Variants in GALNT17 observed in about 807,000 individuals in gnomAD.
The protein encoded by GALNT17 is UDP-GalNAc:polypeptide N-acetylgalactosaminyltransferase-like 3.
GALNT17 carries 29 observed loss-of-function variants against 63.7 expected under a neutral mutation model. The ratio of observed to expected loss-of-function variants is 0.46; its 90% CI spans 0.34 to 0.62. The LOEUF (loss-of-function observed/expected upper bound fraction) is 0.62. Ranked by LOEUF, GALNT17 falls within the 20% of genes least tolerant of loss-of-function variation. GALNT17 has a pLI of 0.01. For synonymous variants in GALNT17, 305 were observed against 318.3 expected (o/e 0.96, Z 0.45); for missense variants, 603 against 799.6 (o/e 0.75, Z 2.97).
chr7:71,578,643 T>C (rs1789578525), intron 6 of GALNT17, among the ~76,000 whole-genome samples: 2 of 152,274 alleles, frequency 1.3e-5, no homozygotes, highest in South Asian at 4.1e-4. Context: ...TGCCTGGCCT[T>C]ATATAGAAAT....
chr7:71,261,332 T>A (rs1790381915), intron 1 of GALNT17, among the ~76,000 whole-genome samples: 1 of 152,070 alleles, frequency 6.6e-6, no homozygotes, highest in Non-Finnish European at 1.5e-5. Flanking sequence ...CTTGAGGAAG[T>A]TATTTGACTG....
At chr7:71,233,019 A>G (rs1220515640) in intron 1 of GALNT17, among the ~76,000 whole-genome samples, 2 of 152,162 alleles carry the variant, frequency 1.3e-5, no homozygotes, top group Non-Finnish European at 2.9e-5. Flanking sequence ...AACCCTGTGA[A>G]GTAGGTTCTA....
At chr7:71,515,914 A>G (rs921898049) in intron 5 of GALNT17, among the ~76,000 whole-genome samples, 39 of 152,202 alleles carry the variant, frequency 2.6e-4, no homozygotes, top group South Asian at 4.2e-4. Context: ...AAGAAAGGGA[A>G]GGTAGGTAGT....
At chr7:71,592,256 T>C (rs1789813427) in intron 6 of GALNT17, among the ~76,000 whole-genome samples, 1 of 152,090 alleles carries the variant, frequency 6.6e-6, no homozygotes, top group Non-Finnish European at 1.5e-5. Flanking sequence ...AGAGACTGGG[T>C]CCAGAGGAGC....
chr7:71,148,860 TTATATATATATATATATATATA>T lies in GALNT17; in HGVS notation c.238+15832_238+15853del, dbSNP rs59163644. Among the ~76,000 whole-genome samples the T allele has an allele frequency of 6.8e-5, 7 of 103,260 alleles. No homozygotes were observed. In the East Asian group the frequency reaches 2.0e-3, roughly 29 times the overall value. 67.7% of individuals were successfully genotyped at this position (103,260 alleles called of 152,430 possible). On this transcript the variant is annotated intron_variant, in intron 1 of 10. Coordinates refer to ENST00000333538, the MANE Select transcript of GALNT17 (RefSeq NM_022479.3). ...GAAATACAGTAGTATTATGGTATTTTTATATATATATATATATATATATATATATATATGTATACCATAGTTA... is the reference window on the plus strand; with the variant it reads ...GAAATACAGTAGTATTATGGTATTTTTATATATATATGTATACCATAGTTA...
At chr7:71,415,175 C>T (rs185353057) in intron 3 of GALNT17, among the ~76,000 whole-genome samples, 1 of 152,070 alleles carries the variant, frequency 6.6e-6, no homozygotes, top group Admixed American at 6.6e-5. Context: ...AGCCAAGTAT[C>T]AGTCTTTATG....
intron 6 of GALNT17, among the ~76,000 whole-genome samples, chr7:71,638,704 C>CAA: frequency 6.6e-6 from 1 of 152,228 alleles, no homozygotes; most frequent in African/African-American, 2.4e-5. Flanking sequence ...TTTTGGTATT[C>CAA]TGGTTTTAGC....
At chr7:71,453,367 G>T (rs1787300094) in intron 5 of GALNT17, among the ~76,000 whole-genome samples, 2 of 152,150 alleles carry the variant, frequency 1.3e-5, no homozygotes, top group Admixed American at 1.3e-4. Flanking sequence ...GGTTTAATGG[G>T]CTCACAGTTG....
intron 6 of GALNT17, among the ~76,000 whole-genome samples, chr7:71,599,799 C>T (rs552704979): frequency 2.0e-5 from 3 of 152,056 alleles, no homozygotes; most frequent in Non-Finnish European, 4.4e-5. Context: ...TGCAATTGTG[C>T]AGTCATAATT....
intron 2 of GALNT17, among the ~76,000 whole-genome samples, chr7:71,359,144 T>A (rs1792349834): frequency 6.6e-6 from 1 of 151,408 alleles, no homozygotes; most frequent in Admixed American, 6.6e-5. Flanking sequence ...TGCCTTTGTC[T>A]GTTTGTGTTG....
At chr7:71,252,650 C>T (rs1162211940) in intron 1 of GALNT17, among the ~76,000 whole-genome samples, 3 of 152,116 alleles carry the variant, frequency 2.0e-5, no homozygotes, top group Admixed American at 6.5e-5. Flanking sequence ...GGGATGCTGA[C>T]CCAGACCCAT....
chr7:71,550,056 G>C (rs1160609688), intron 5 of GALNT17, among the ~76,000 whole-genome samples: 1 of 151,532 alleles, frequency 6.6e-6, no homozygotes, highest in African/African-American at 2.4e-5. Flanking sequence ...GATGAGTCCT[G>C]CCCCAATTTA....
At chr7:71,575,498 C>T (rs1370354282) in intron 6 of GALNT17, among the ~76,000 whole-genome samples, 1 of 151,838 alleles carries the variant, frequency 6.6e-6, no homozygotes, top group South Asian at 2.1e-4. Context: ...ACGCCATTCT[C>T]CTGCCTCAGC....
intron 1 of GALNT17, among the ~76,000 whole-genome samples, chr7:71,152,110 G>C (rs2867040): frequency 0.47 from 71,505 of 151,634 alleles, 18,374 homozygotes; most frequent in African/African-American, 0.66. Context: ...TTTTTTCTGC[G>C]TGCCTACCCG....
At chr7:71,640,371 T>C (rs1227987143) in intron 6 of GALNT17, among the ~76,000 whole-genome samples, 1 of 152,218 alleles carries the variant, frequency 6.6e-6, no homozygotes, top group Non-Finnish European at 1.5e-5. Context: ...CCAGGGGCTC[T>C]TGGCTTGGAA....
intron 1 of GALNT17, among the ~76,000 whole-genome samples, chr7:71,215,294 CTTG>C (rs1364641413): frequency 1.3e-5 from 2 of 151,798 alleles, no homozygotes; most frequent in African/African-American, 4.8e-5. Context: ...TTTTTTGCAC[CTTG>C]TTGTTGTTTG....
At chr7:71,236,587 A>G (rs773577439) in intron 1 of GALNT17, among the ~76,000 whole-genome samples, 55 of 152,264 alleles carry the variant, frequency 3.6e-4, no homozygotes, top group South Asian at 2.1e-4. Context: ...ACTTGCTGTC[A>G]TCTGTCCCAC....
At position 71,593,472 on chromosome 7, in the gene GALNT17, G is replaced by A. The variant is rs370502181; in HGVS notation, c.1080+22070G>A. The stretch of plus-strand genomic sequence containing the variant: ...GTAGAGACAGGGTTTCACCATGTTG[G>A]CTAGGATGGTCGCTGTCTCTTGACC... On this transcript the variant is annotated intron_variant, in intron 6 of 10. Coordinates refer to ENST00000333538, the MANE Select transcript of GALNT17 (RefSeq NM_022479.3). Among the ~76,000 whole-genome samples, 63 of 152,130 alleles carry A rather than the reference G, an allele frequency of 4.1e-4. No individual in the cohort carries two copies. In the South Asian group the frequency reaches 9.4e-3, roughly 23 times the overall value.
At chr7:71,581,356 C>T (rs183685682) in intron 6 of GALNT17, among the ~76,000 whole-genome samples, 115 of 152,160 alleles carry the variant, frequency 7.6e-4, no homozygotes, top group African/African-American at 2.5e-3. Flanking sequence ...GATGAGGTTT[C>T]ACCATGATGG....
Sources: gnomAD v4.1 joint callset for allele counts (sites outside exome capture counted in the v4.1 genomes callset) on GRCh38, gnomAD v4.1.1 for gene constraint, MANE v1.5 for transcripts, NCBI Gene and HGNC (gene_info 2026-07-23, HGNC 2026-07-21) for gene names.